The following TRPC5 variants were observed in gnomAD, a reference collection of about 807,000 sequenced individuals.
TRPC5 encodes the protein short transient receptor potential channel 5.
In TRPC5, 9 loss-of-function variants were observed where a neutral mutation model predicts 56.5. The ratio of observed to expected loss-of-function variants is 0.16; its 90% CI spans 0.10 to 0.28. The LOEUF (loss-of-function observed/expected upper bound fraction) is 0.28, where lower values mean the gene tolerates loss of function less well. TRPC5 is among the 10% of genes least tolerant of loss of function. The pLI is 1.00. For synonymous variants in TRPC5, 282 were observed against 278.5 expected (o/e 1.01, Z -0.13); for missense variants, 469 against 748.9 (o/e 0.63, Z 4.36).
At chrX:112,079,909 C>T (rs985919246) in intron 1 of TRPC5, among the ~76,000 whole-genome samples, 2 of 111,695 alleles carry the variant, frequency 1.8e-5, no homozygotes, top group Admixed American at 9.5e-5. Flanking sequence ...GCCAGATACT[C>T]ACATCACCAA....
intron 2 of TRPC5, among the ~76,000 whole-genome samples, chrX:111,943,827 G>C (rs1279218463): frequency 8.9e-6 from 1 of 111,952 alleles, no homozygotes; most frequent in Non-Finnish European, 1.9e-5. Flanking sequence ...GGTAATCTTA[G>C]AACTAAGTTG....
intron 1 of TRPC5, among the ~76,000 whole-genome samples, chrX:112,000,133 A>G (rs1928660269): frequency 8.9e-6 from 1 of 112,034 alleles, no homozygotes; most frequent in East Asian, 2.8e-4. Flanking sequence ...CCACTGTGAT[A>G]TTAATCTTGT....
intron 1 of TRPC5, among the ~76,000 whole-genome samples, chrX:112,066,854 T>C (rs1423340498): frequency 8.9e-6 from 1 of 112,474 alleles, no homozygotes; most frequent in African/African-American, 3.2e-5. Context: ...GTTTTCTCCT[T>C]ACCAGTTCTG....
intron 3 of TRPC5, chrX:111,902,225 G>A: frequency 3.4e-6 from 3 of 879,804 alleles, no homozygotes; most frequent in Non-Finnish European, 4.6e-6. Flanking sequence ...TGTGAAAACT[G>A]ATCATTTCTC....
chrX:111,839,085 C>A (rs1441197347), intron 6 of TRPC5, among the ~76,000 whole-genome samples: 1 of 111,975 alleles, frequency 8.9e-6, no homozygotes, highest in Non-Finnish European at 1.9e-5. Flanking sequence ...ACCCATTCCA[C>A]AGTTCCCTGG....
At chrX:111,777,740 G>A (rs1945889802) in intron 10 of TRPC5, among the ~76,000 whole-genome samples, 1 of 111,899 alleles carries the variant, frequency 8.9e-6, no homozygotes, top group Admixed American at 9.5e-5. Context: ...TGCCTATGCT[G>A]TTCTCTCTGT....
At chrX:112,080,175 T>C (rs771262711) in intron 1 of TRPC5, among the ~76,000 whole-genome samples, 1 of 111,987 alleles carries the variant, frequency 8.9e-6, no homozygotes, top group African/African-American at 3.2e-5. Context: ...AAGAATTGCC[T>C]GATGCAACAT....
At chrX:111,867,178 C>A (rs983755303) in intron 3 of TRPC5, among the ~76,000 whole-genome samples, 2 of 112,143 alleles carry the variant, frequency 1.8e-5, no homozygotes, top group African/African-American at 6.5e-5. Context: ...TAAGGCCACT[C>A]CTCTCCAAAT....
chrX:112,001,621 C>T (rs191864016), intron 1 of TRPC5, among the ~76,000 whole-genome samples: 9 of 111,224 alleles, frequency 8.1e-5, no homozygotes, highest in Non-Finnish European at 1.5e-4. Flanking sequence ...ATTAGCCAGG[C>T]ATGTTGGTGC....
chrX:111,923,197 A>G (rs919719671), intron 2 of TRPC5, among the ~76,000 whole-genome samples: 8 of 112,101 alleles, frequency 7.1e-5, no homozygotes, highest in Non-Finnish European at 1.3e-4. Flanking sequence ...CAATAAACAA[A>G]TGTTAAAATC....
At chrX:111,898,323 G>T (rs1206721416) in intron 3 of TRPC5, among the ~76,000 whole-genome samples, 1 of 104,249 alleles carries the variant, frequency 9.6e-6, no homozygotes, top group Non-Finnish European at 2.0e-5. Context: ...ATCTGACAAT[G>T]AACTTTATAT....
intron 1 of TRPC5, among the ~76,000 whole-genome samples, chrX:112,052,469 T>A (rs1042596374): frequency 9.0e-6 from 1 of 111,515 alleles, no homozygotes; most frequent in Non-Finnish European, 1.9e-5. Flanking sequence ...TAAAATTGAT[T>A]TTTTTGGGGA....
At chrX:111,875,652 G>C (rs780817656) in intron 3 of TRPC5, among the ~76,000 whole-genome samples, 159 of 82,392 alleles carry the variant, frequency 1.9e-3, no homozygotes, top group African/African-American at 7.3e-3. Context: ...TCCATTCTTT[G>C]ATTAATGTGA....
chrX:111,845,586 TC>T (rs1922902939), intron 6 of TRPC5, among the ~76,000 whole-genome samples: 1 of 111,935 alleles, frequency 8.9e-6, no homozygotes, highest in African/African-American at 3.2e-5. Flanking sequence ...GGACCTGACC[TC>T]CTGAAAGGCA....
chrX:112,051,551 G>GA (rs953518906), intron 1 of TRPC5, among the ~76,000 whole-genome samples: 17 of 107,878 alleles, frequency 1.6e-4, no homozygotes, highest in South Asian at 3.9e-4. Flanking sequence ...ATGCTCATGA[G>GA]AAAAAAAAAA....
chrX:111,836,948 G>A (rs1176673341), intron 6 of TRPC5, among the ~76,000 whole-genome samples: 1 of 112,580 alleles, frequency 8.9e-6, no homozygotes, highest in Non-Finnish European at 1.9e-5. Context: ...CCTTTTCAGG[G>A]CTGCCTGGGC....
At chrX:111,881,839 T>A (rs1323922741) in intron 3 of TRPC5, 1 of 111,222 alleles carries the variant, frequency 9.0e-6, no homozygotes, top group Non-Finnish European at 1.9e-5. Context: ...GAAGCAGTTG[T>A]ACAGACCATT....
chrX:111,885,802 A>G (rs1405983821), intron 3 of TRPC5, among the ~76,000 whole-genome samples: 2 of 111,326 alleles, frequency 1.8e-5, no homozygotes, highest in Admixed American at 9.6e-5. Context: ...AACTAAATCA[A>G]TAGGGCATCT....
intron 7 of TRPC5, among the ~76,000 whole-genome samples, chrX:111,813,253 C>T (rs1603040036): frequency 8.9e-6 from 1 of 112,366 alleles, no homozygotes; most frequent in African/African-American, 3.2e-5. Flanking sequence ...GTGCACCTAA[C>T]GACACATAGC....
Sources: gnomAD v4.1 joint callset for allele counts (sites outside exome capture counted in the v4.1 genomes callset) on GRCh38, gnomAD v4.1.1 for gene constraint, MANE v1.5 for transcripts, NCBI Gene and HGNC (gene_info 2026-07-23, HGNC 2026-07-21) for gene names.